ELMOD1: variants seen among roughly 807,000 people sequenced by gnomAD.
The protein encoded by ELMOD1 is ELMO domain containing 1, also known as ELMO domain-containing protein 1.
In ELMOD1, 21 loss-of-function variants were observed where a neutral mutation model predicts 46.7. The observed-to-expected ratio is 0.45, with a 90% CI of 0.32 to 0.65. The LOEUF (loss-of-function observed/expected upper bound fraction) is 0.65, where lower values mean the gene tolerates loss of function less well. Among genes scored for constraint, ELMOD1 ranks in the 30% least tolerant of loss-of-function variants. ELMOD1 has a pLI of 0.04. For synonymous variants in ELMOD1, 122 were observed against 138.2 expected, an observed-to-expected ratio of 0.88 and a Z score of 0.82; for missense variants, 348 against 407.8, an observed-to-expected ratio of 0.85 and a Z score of 1.26.
chr11:107,616,112 C>G (rs557345376), intron 1 of ELMOD1, among the ~76,000 whole-genome samples: 265 of 149,594 alleles, frequency 1.8e-3, no homozygotes, highest in Non-Finnish European at 3.2e-3. Flanking sequence ...TCTCCTGCCT[C>G]AGCCTCCCAA....
chr11:107,620,112 G>T (rs1174902931), intron 2 of ELMOD1: 1 of 152,226 alleles, frequency 6.6e-6, no homozygotes, highest in African/African-American at 2.4e-5. Flanking sequence ...AGCAAAGCCT[G>T]AATGAATCAG....
intron 11 of ELMOD1, among the ~76,000 whole-genome samples, chr11:107,661,070 C>T (rs1326127848): frequency 6.6e-6 from 1 of 152,138 alleles, no homozygotes; most frequent in African/African-American, 2.4e-5. Flanking sequence ...AGCCAGACCA[C>T]CATTTCTGCA....
chr11:107,649,172 A>G (rs574289840), intron 7 of ELMOD1, among the ~76,000 whole-genome samples: 34 of 152,326 alleles, frequency 2.2e-4, no homozygotes, highest in African/African-American at 7.9e-4. Context: ...TGAGCTTTCA[A>G]ATAACTGGGA....
rs1392315195 is a variant in ELMOD1 at position 107,618,306 on chromosome 11, A to G, written c.17+100A>G. The G allele has an allele frequency of 6.8e-6, 9 of 1,331,750 alleles. No individual in the cohort carries two copies. The Admixed American group carries it at 7.9e-5, about 12-fold the overall frequency. The allele number at this position is 1,331,750 out of a possible 1,614,324, so 82.5% of individuals were successfully genotyped here. On this transcript the variant is annotated intron_variant, in intron 2 of 11. Coordinates refer to ENST00000265840, the MANE Select transcript of ELMOD1 (RefSeq NM_018712.4). ...AGTCATCGTTTGTGATCCTGTGACC[A>G]GGACTCCTAAGATTCTGTGAAATAG...
At chr11:107,616,632 G>A (rs1223823553) in intron 1 of ELMOD1, among the ~76,000 whole-genome samples, 2 of 152,144 alleles carry the variant, frequency 1.3e-5, no homozygotes, top group African/African-American at 4.8e-5. Context: ...GCCTGCCTCG[G>A]TTTCCCAAAG....
intron 6 of ELMOD1, among the ~76,000 whole-genome samples, chr11:107,640,256 T>C (rs1866298999): frequency 6.6e-6 from 1 of 152,218 alleles, no homozygotes; most frequent in Admixed American, 6.5e-5. Context: ...CCAAAATAAG[T>C]TTGACAATTT....
intron 9 of ELMOD1, among the ~76,000 whole-genome samples, chr11:107,651,682 A>G (rs1220979939): frequency 1.3e-5 from 2 of 152,226 alleles, no homozygotes; most frequent in Non-Finnish European, 2.9e-5. Context: ...TTTTGTAACT[A>G]CATCTTCTGA....
Position 107,665,978 on chromosome 11 carries a change from TAAATAAATAAATAA to T in ELMOD1, c.*783_*796del, listed in dbSNP as rs1866837763. 6.9e-6 allele frequency: 1 copy of T among 144,336 alleles called. No individual in the cohort carries two copies. Among genetic ancestry groups the T allele is most frequent in the Admixed American group, 6.9e-5 (1 of 14,490 alleles). The allele number at this position is 144,336 out of a possible 1,614,324, so 8.9% of individuals were successfully genotyped here. ...TCCATCTCAAAAATAAATAAATAAA[TAAATAAATAAATAA>T]ATAAATAAATAAATAAATAAATAAA... On this transcript the variant is annotated 3_prime_UTR_variant, in exon 12 of 12. Coordinates refer to ENST00000265840, the MANE Select transcript of ELMOD1 (RefSeq NM_018712.4).
intron 7 of ELMOD1, among the ~76,000 whole-genome samples, chr11:107,647,850 A>T (rs1342667164): frequency 6.6e-6 from 1 of 152,148 alleles, no homozygotes; most frequent in Non-Finnish European, 1.5e-5. Context: ...ATTATTGAAA[A>T]TTTTCACACA....
chr11:107,640,231 A>G (rs1367473173), intron 6 of ELMOD1, among the ~76,000 whole-genome samples: 2 of 152,188 alleles, frequency 1.3e-5, no homozygotes, highest in African/African-American at 2.4e-5. Context: ...TTTTAGCATA[A>G]TGGGCTTTCA....
chr11:107,624,624 T>G (rs1866010805), intron 2 of ELMOD1, among the ~76,000 whole-genome samples: 1 of 152,216 alleles, frequency 6.6e-6, no homozygotes, highest in African/African-American at 2.4e-5. Context: ...AGACCGTGTC[T>G]TGACAAATAA....
At chr11:107,626,376 G>GAAAAA (rs111962841) in intron 2 of ELMOD1, among the ~76,000 whole-genome samples, 1 of 66,888 alleles carries the variant, frequency 1.5e-5, no homozygotes, top group African/African-American at 5.2e-5. Context: ...ATGCAGTCAT[G>GAAAAA]AAAAAAAAAA....
chr11:107,625,390 A>G (rs1221480245), intron 2 of ELMOD1: 1 of 980,414 alleles, frequency 1.0e-6, no homozygotes, highest in Non-Finnish European at 1.2e-6. Flanking sequence ...CTTTTTATTT[A>G]TTACAGGATT....
intron 9 of ELMOD1, among the ~76,000 whole-genome samples, chr11:107,651,156 T>G (rs1490137173): frequency 6.6e-6 from 1 of 152,210 alleles, no homozygotes; most frequent in South Asian, 2.1e-4. Flanking sequence ...GAGAAACATT[T>G]TGAACACTCA....
chr11:107,618,866 A>G (rs891167243), intron 2 of ELMOD1, among the ~76,000 whole-genome samples: 2 of 152,176 alleles, frequency 1.3e-5, no homozygotes, highest in Non-Finnish European at 2.9e-5. Context: ...TTGTCTATTA[A>G]TGGAATTCCC....
chr11:107,649,539 C>T (rs536122102), intron 7 of ELMOD1, among the ~76,000 whole-genome samples: 15 of 152,002 alleles, frequency 9.9e-5, no homozygotes, highest in South Asian at 2.1e-4. Flanking sequence ...TATGAACAGA[C>T]GAGACATAAA....
intron 2 of ELMOD1, among the ~76,000 whole-genome samples, chr11:107,624,603 G>A (rs1201690479): frequency 2.6e-5 from 4 of 152,160 alleles, no homozygotes; most frequent in Non-Finnish European, 5.9e-5. Context: ...TTCAGCCTAG[G>A]CAACAGAGTA....
chr11:107,627,148 C>T lies in ELMOD1; in HGVS notation c.18-3269C>T, dbSNP rs183821328. Among the ~76,000 whole-genome samples, 411 of 152,212 alleles carry T rather than the reference C, an allele frequency of 2.7e-3. 5 individuals are homozygous for T. The highest frequency in any genetic ancestry group is 9.4e-3 in the African/African-American group (390 of 41,512). On this transcript the variant is annotated intron_variant, in intron 2 of 11. Coordinates refer to ENST00000265840, the MANE Select transcript of ELMOD1 (RefSeq NM_018712.4). ...TAGCAGGAAAGTATGGTACCTAGCA[C>T]AGCAAGCTGAGGTTTTAATTAAATA...
At chr11:107,657,777 C>A (rs533730414) in intron 11 of ELMOD1, among the ~76,000 whole-genome samples, 1 of 152,264 alleles carries the variant, frequency 6.6e-6, no homozygotes, top group South Asian at 2.1e-4. Context: ...AATAGGAAAT[C>A]TATCCCAGGA....
Sources: allele counts gnomAD v4.1 joint callset (sites outside exome capture counted in the v4.1 genomes callset), GRCh38; gene constraint gnomAD v4.1.1; transcripts MANE v1.5; gene names NCBI Gene and HGNC (gene_info 2026-07-23, HGNC 2026-07-21).